Variants in CPS1 observed in about 807,000 individuals in gnomAD.
CPS1 encodes carbamoyl-phosphate synthase [ammonia], mitochondrial.
CPS1 carries 109 observed loss-of-function variants against 174.6 expected under a neutral mutation model. The observed-to-expected ratio is 0.62, with a 90% CI of 0.53 to 0.73. The LOEUF (loss-of-function observed/expected upper bound fraction) is 0.73. Among genes scored for constraint, CPS1 ranks in the 30% least tolerant of loss-of-function variants. The probability of loss-of-function intolerance (pLI) is 0.00; values close to 1 mark genes in which losing one functional copy is unlikely to be tolerated. For synonymous variants in CPS1, 637 were observed against 632.0 expected, an observed-to-expected ratio of 1.01 and a Z score of -0.12; for missense variants, 1,689 against 1,821.9, an observed-to-expected ratio of 0.93 and a Z score of 1.33.
chr2:210,557,443 T>C (rs551401446), intron 1 of CPS1, among the ~76,000 whole-genome samples: 1 of 152,152 alleles, frequency 6.6e-6, no homozygotes, highest in Non-Finnish European at 1.5e-5. Flanking sequence ...GAGTAATACA[T>C]AGAGGCAGAT....
rs1432023121 is a variant in CPS1 at position 210,579,627 on chromosome 2, T to C, written c.472-87T>C. 3.0e-6 allele frequency: 3 copies of C among 1,004,974 alleles called. No individual in the cohort carries two copies. The African/African-American group carries it at 4.7e-5, about 16-fold the overall frequency. 62.3% of individuals were successfully genotyped at this position (1,004,974 alleles called of 1,614,324 possible). On this transcript the variant is annotated intron_variant, in intron 4 of 37. Transcript: ENST00000233072. ...AGAAATTATTTACTGCTCAAGAAGA[T>C]AGATGAGGCCAAGTTTGTAACTTGA...
intron 1 of CPS1, among the ~76,000 whole-genome samples, chr2:210,533,806 C>G (rs1219541070): frequency 6.6e-6 from 1 of 152,090 alleles, no homozygotes; most frequent in African/African-American, 2.4e-5. Context: ...GATCATGCAC[C>G]AGACAGTGGC....
upstream of CPS1, among the ~76,000 whole-genome samples, chr2:210,553,459 A>T (rs2106029793): frequency 6.6e-6 from 1 of 152,088 alleles, no homozygotes; most frequent in South Asian, 2.1e-4. Context: ...TTTAAAATGT[A>T]TTAATAGAAA....
chr2:210,601,917 A>G (rs1342378656), intron 15 of CPS1, among the ~76,000 whole-genome samples: 2 of 152,018 alleles, frequency 1.3e-5, no homozygotes, highest in East Asian at 3.9e-4. Flanking sequence ...AATGATGATT[A>G]TTTCTGCTTT....
intron 1 of CPS1, among the ~76,000 whole-genome samples, chr2:210,530,647 T>C (rs1375374124): frequency 6.6e-6 from 1 of 152,030 alleles, no homozygotes; most frequent in Non-Finnish European, 1.5e-5. Flanking sequence ...CCTAAGGTGG[T>C]AGTCGTGAGT....
chr2:210,664,824 AT>A (rs1701038463), intron 33 of CPS1, among the ~76,000 whole-genome samples: 1 of 152,196 alleles, frequency 6.6e-6, no homozygotes, highest in Non-Finnish European at 1.5e-5. Context: ...ACAGTATAAT[AT>A]TACGAGGTCT....
chr2:210,519,678 A>C, intron 1 of CPS1: 1 of 901,886 alleles, frequency 1.1e-6, no homozygotes, highest in Non-Finnish European at 1.3e-6. Flanking sequence ...CAGGCACGTG[A>C]CCCAAGCCCC....
intron 34 of CPS1, chr2:210,672,036 A>G (rs1295852705): frequency 6.6e-6 from 1 of 152,150 alleles, no homozygotes; most frequent in South Asian, 2.1e-4. Context: ...GTATGCATCA[A>G]AATCACCTGG....
intron 23 of CPS1, 94 bp from the exon 24 acceptor site, chr2:210,639,902 G>T: frequency 1.1e-6 from 1 of 894,556 alleles, no homozygotes; most frequent in South Asian, 1.3e-5. Flanking sequence ...AGAGGAAGAT[G>T]AGAAATACAT....
intron 1 of CPS1, among the ~76,000 whole-genome samples, chr2:210,568,288 G>A (rs1697366114): frequency 6.6e-6 from 1 of 152,032 alleles, no homozygotes; most frequent in African/African-American, 2.4e-5. Context: ...CAGAGAGGTG[G>A]GGAATCTAAG....
Position 210,482,262 on chromosome 2 carries a change from T to C in CPS1, c.3+4496T>C, listed in dbSNP as rs1694589477. Reference sequence around the variant, plus strand: ...CAGGAGGTTTGGGTTGAATCTGCATTTTAAAAATCTTCATATGAAACTCTT... The same window carrying C: ...CAGGAGGTTTGGGTTGAATCTGCATCTTAAAAATCTTCATATGAAACTCTT... On this transcript the variant is annotated intron_variant, in intron 1 of 38. Coordinates refer to the CPS1 transcript ENST00000430249. 2.0e-5 allele frequency among the ~76,000 whole-genome samples: 3 copies of C among 152,094 alleles called. No homozygotes were observed. The South Asian group carries it at 6.2e-4, about 31-fold the overall frequency.
intron 1 of CPS1, among the ~76,000 whole-genome samples, chr2:210,489,457 C>CA (rs1286818043): frequency 2.6e-5 from 4 of 152,150 alleles, no homozygotes; most frequent in Non-Finnish European, 5.9e-5. Context: ...TTCTTCCTTG[C>CA]ACATTGACCT....
chr2:210,486,394 C>T (rs1422340738), intron 1 of CPS1, among the ~76,000 whole-genome samples: 1 of 152,114 alleles, frequency 6.6e-6, no homozygotes, highest in African/African-American at 2.4e-5. Flanking sequence ...AATGACTGGT[C>T]ACTCACAGAA....
intron 1 of CPS1, among the ~76,000 whole-genome samples, chr2:210,550,435 A>G (rs1044274006): frequency 3.3e-5 from 5 of 151,984 alleles, no homozygotes; most frequent in Non-Finnish European, 5.9e-5. Flanking sequence ...TGGCTTTGCA[A>G]CTTACTAGCT....
chr2:210,604,734 T>C (rs964549075), intron 16 of CPS1, among the ~76,000 whole-genome samples: 2 of 151,900 alleles, frequency 1.3e-5, no homozygotes, highest in South Asian at 2.1e-4. Flanking sequence ...AGACTTATTT[T>C]TCCATATTTA....
chr2:210,658,567 A>C, intron 30 of CPS1, 32 bp from the exon 31 acceptor site: 1 of 1,586,130 alleles, frequency 6.3e-7, no homozygotes. Context: ...TATGCTCTTT[A>C]GCACACTATA....
chr2:210,653,916 T>C (rs1456539289), intron 28 of CPS1, 109 bp from the exon 29 acceptor site: 11 of 836,064 alleles, frequency 1.3e-5, no homozygotes, highest in Non-Finnish European at 1.9e-5. Context: ...GCCTTGAGTA[T>C]TTTGCAAGTA....
chr2:210,502,801 C>T (rs1258371839), intron 1 of CPS1, among the ~76,000 whole-genome samples: 1 of 152,084 alleles, frequency 6.6e-6, no homozygotes, highest in East Asian at 1.9e-4. Context: ...TATCTCTGTT[C>T]TCCCAGTAAT....
intron 8 of CPS1, 123 bp from the exon 9 acceptor site, chr2:210,590,677 C>T (rs761848089): frequency 5.5e-6 from 4 of 728,248 alleles, no homozygotes; most frequent in Admixed American, 4.4e-5. Context: ...TTATATTCTT[C>T]TTTAATTCAG....
Sources: gnomAD v4.1 joint callset for allele counts (sites outside exome capture counted in the v4.1 genomes callset) on GRCh38, gnomAD v4.1.1 for gene constraint, MANE v1.5 for transcripts, NCBI Gene and HGNC (gene_info 2026-07-23, HGNC 2026-07-21) for gene names.